The following CDC42SE2 variants were observed in gnomAD, a reference collection of about 807,000 sequenced individuals.
The protein encoded by CDC42SE2 is CDC42 small effector 2.
In CDC42SE2, 3 loss-of-function variants were observed where a neutral mutation model predicts 11.5. That is an observed-to-expected ratio of 0.26 (90% CI 0.12 to 0.67). The LOEUF (loss-of-function observed/expected upper bound fraction) is 0.67, where lower values mean the gene tolerates loss of function less well. Among genes scored for constraint, CDC42SE2 ranks in the 30% least tolerant of loss-of-function variants. The pLI is 0.80. For synonymous variants in CDC42SE2, 33 were observed against 34.8 expected (o/e 0.95, Z 0.18); for missense variants, 82 against 106.8 (o/e 0.77, Z 1.02).
At chr5:131,263,893 T>G (rs1022334668), upstream of CDC42SE2, 7 of 151,272 alleles carry the variant, frequency 4.6e-5, no homozygotes, top group African/African-American at 1.7e-4. Flanking sequence ...GATTCGCCCA[T>G]GCCGGAGGTA....
At chr5:131,244,608 G>C (rs1019436419), upstream of CDC42SE2, among the ~76,000 whole-genome samples, 9 of 152,180 alleles carry the variant, frequency 5.9e-5, no homozygotes, top group Non-Finnish European at 1.3e-4. Flanking sequence ...CTACTCGGGA[G>C]GTTGAGGCAA....
intron 1 of CDC42SE2, among the ~76,000 whole-genome samples, chr5:131,275,585 C>T (rs1271089185): frequency 6.6e-6 from 1 of 152,144 alleles, no homozygotes; most frequent in African/African-American, 2.4e-5. Context: ...TGAGCCACTG[C>T]ACCTGGCCGT....
chr5:131,280,298 C>T (rs1757211994), intron 1 of CDC42SE2, among the ~76,000 whole-genome samples: 3 of 152,126 alleles, frequency 2.0e-5, no homozygotes, highest in Admixed American at 2.0e-4. Context: ...TTAATCCTAC[C>T]ACCCTAAAAT....
the CDC42SE2 span, among the ~76,000 whole-genome samples, chr5:131,234,462 C>A: frequency 7.9e-5 from 12 of 151,984 alleles, no homozygotes; most frequent in Middle Eastern, 3.4e-3. Flanking sequence ...ATGGTGAAAC[C>A]CTGTCTGTAT....
chr5:131,358,407 G>A (rs1749615430), intron 2 of CDC42SE2, among the ~76,000 whole-genome samples: 1 of 152,054 alleles, frequency 6.6e-6, no homozygotes, highest in Non-Finnish European at 1.5e-5. Context: ...CTGCTTGTCA[G>A]CATTATTACC....
At chr5:131,250,923 A>G (rs1208034742) in intron 1 of CDC42SE2, among the ~76,000 whole-genome samples, 2 of 152,140 alleles carry the variant, frequency 1.3e-5, no homozygotes, top group African/African-American at 2.4e-5. Context: ...CAACAAATAT[A>G]CCACATGAAT....
At chr5:131,278,723 TCCC>T (rs1332729919) in intron 1 of CDC42SE2, among the ~76,000 whole-genome samples, 1 of 9,008 alleles carries the variant, frequency 1.1e-4, no homozygotes, top group Non-Finnish European at 2.2e-4. Flanking sequence ...TCCCCTCCCC[TCCC>T]CCCTCCCCTC....
intron 1 of CDC42SE2, among the ~76,000 whole-genome samples, chr5:131,254,892 CAT>C (rs1454314963): frequency 1.3e-5 from 2 of 152,024 alleles, no homozygotes; most frequent in African/African-American, 4.8e-5. Context: ...TTCGATTTGT[CAT>C]ATGTTTTGGA....
intron 1 of CDC42SE2, among the ~76,000 whole-genome samples, chr5:131,292,918 A>AC (rs1580735574): frequency 6.7e-6 from 1 of 148,706 alleles, no homozygotes; most frequent in African/African-American, 2.5e-5. Context: ...AAAAAAAAAA[A>AC]AAAAAAAAAA....
chr5:131,346,739 C>T (rs968498344), intron 2 of CDC42SE2, among the ~76,000 whole-genome samples: 1 of 152,168 alleles, frequency 6.6e-6, no homozygotes, highest in Non-Finnish European at 1.5e-5. Context: ...CCAAAACTGA[C>T]CACATAGTTG....
intron 1 of CDC42SE2, among the ~76,000 whole-genome samples, chr5:131,290,466 TTC>T (rs894855836): frequency 2.0e-5 from 3 of 150,444 alleles, no homozygotes; most frequent in African/African-American, 2.5e-5. Context: ...TGCTTCTTTT[TTC>T]TTTCTTTTTT....
the CDC42SE2 span, among the ~76,000 whole-genome samples, chr5:131,227,790 A>G: frequency 6.6e-6 from 1 of 152,260 alleles, no homozygotes; most frequent in African/African-American, 2.4e-5. Flanking sequence ...CACGCCTGTA[A>G]TCTGAGCACT....
the CDC42SE2 span, among the ~76,000 whole-genome samples, chr5:131,227,993 G>A: frequency 1.3e-5 from 2 of 152,246 alleles, no homozygotes; most frequent in African/African-American, 4.8e-5. Flanking sequence ...TTAGAGACCA[G>A]CGTGGCCCTG....
intron 1 of CDC42SE2, among the ~76,000 whole-genome samples, chr5:131,294,936 G>C (rs771706251): frequency 3.9e-5 from 6 of 152,102 alleles, no homozygotes; most frequent in Non-Finnish European, 7.4e-5. Context: ...GACCATCCTG[G>C]CTAACATGGT....
chr5:131,276,728 ATTT>A (rs71000985), intron 1 of CDC42SE2, among the ~76,000 whole-genome samples: 9 of 126,774 alleles, frequency 7.1e-5, no homozygotes, highest in Admixed American at 7.7e-5. Context: ...GACCATTAGA[ATTT>A]TTTTTTTTTT....
intron 1 of CDC42SE2, among the ~76,000 whole-genome samples, chr5:131,298,931 T>C (rs1757627397): frequency 6.6e-6 from 1 of 152,156 alleles, no homozygotes; most frequent in Admixed American, 6.6e-5. Context: ...ACAAGGTATA[T>C]TGGAAGAGGG....
chr5:131,335,644 G>C (rs1758538691), intron 2 of CDC42SE2, among the ~76,000 whole-genome samples: 1 of 152,136 alleles, frequency 6.6e-6, no homozygotes, highest in African/African-American at 2.4e-5. Context: ...TTATGAATCT[G>C]GGTGCTCCTG....
At chr5:131,348,915 G>C (rs1758926258) in intron 2 of CDC42SE2, among the ~76,000 whole-genome samples, 1 of 152,126 alleles carries the variant, frequency 6.6e-6, no homozygotes, top group Admixed American at 6.5e-5. Flanking sequence ...AATAAATGGT[G>C]CTGGGAAAAC....
At chr5:131,373,203 C>G (rs1233550578) in intron 3 of CDC42SE2, among the ~76,000 whole-genome samples, 1 of 152,000 alleles carries the variant, frequency 6.6e-6, no homozygotes, top group Non-Finnish European at 1.5e-5. Context: ...AACCCTACTT[C>G]ACAAGACATT....
Sources: allele counts gnomAD v4.1 joint callset (sites outside exome capture counted in the v4.1 genomes callset), GRCh38; gene constraint gnomAD v4.1.1; transcripts MANE v1.5; gene names NCBI Gene and HGNC (gene_info 2026-07-23, HGNC 2026-07-21).